The following FER1L6 variants were observed in gnomAD, a reference collection of about 807,000 sequenced individuals.
FER1L6 encodes the protein fer-1 like family member 6.
In FER1L6, 177 loss-of-function variants were observed where a neutral mutation model predicts 219.2. The ratio of observed to expected loss-of-function variants is 0.81; its 90% CI spans 0.71 to 0.91. The LOEUF (loss-of-function observed/expected upper bound fraction) is 0.91. Ranked by LOEUF, FER1L6 falls within the 40% of genes least tolerant of loss-of-function variation. FER1L6 has a pLI of 0.00. For missense variants in FER1L6, 2,153 were observed against 2,259.9 expected (o/e 0.95, Z 0.96); for synonymous variants, 768 against 824.3 (o/e 0.93, Z 1.17).
At chr8:124,070,055 A>G (rs1220222013) in intron 29 of FER1L6, among the ~76,000 whole-genome samples, 1 of 152,204 alleles carries the variant, frequency 6.6e-6, no homozygotes, top group Non-Finnish European at 1.5e-5. Context: ...TTTCATGTCT[A>G]TATGCATTAC....
chr8:124,088,490 C>G (rs1359366642), intron 33 of FER1L6, among the ~76,000 whole-genome samples: 2 of 152,022 alleles, frequency 1.3e-5, no homozygotes, highest in Non-Finnish European at 2.9e-5. Flanking sequence ...GTTCTCTACT[C>G]CACGATGGCT....
intron 13 of FER1L6, among the ~76,000 whole-genome samples, chr8:124,009,095 CTGGTACAACCACTA>C: frequency 6.6e-6 from 1 of 152,038 alleles, no homozygotes; most frequent in Non-Finnish European, 1.5e-5. Flanking sequence ...GGAATGTAAA[CTGGTACAACCACTA>C]TGGAATACAT....
intron 15 of FER1L6, among the ~76,000 whole-genome samples, chr8:124,016,403 TG>T (rs1818201436): frequency 6.6e-6 from 1 of 152,208 alleles, no homozygotes; most frequent in Non-Finnish European, 1.5e-5. Flanking sequence ...CTTTCCTTTT[TG>T]TTTCCTTTAT....
intron 37 of FER1L6, among the ~76,000 whole-genome samples, chr8:124,099,239 G>T (rs960031156): frequency 6.6e-6 from 1 of 152,186 alleles, no homozygotes; most frequent in Non-Finnish European, 1.5e-5. Context: ...GGCTTCAGTT[G>T]TCACCTTTTA....
rs565832445 is a variant in FER1L6, at chr8:123,911,073, A to G, written c.-7-44919A>G. ...GACAGTGACGATTATGATGACAGTG[A>G]TGATGATCATTGGGCAGGAGTCCAT... On this transcript the variant is annotated intron_variant, in intron 1 of 40. Coordinates refer to ENST00000522917, the MANE Select transcript of FER1L6 (RefSeq NM_001039112.2). 2.0e-5 allele frequency among the ~76,000 whole-genome samples: 3 copies of G among 152,272 alleles called. No homozygotes were observed. The South Asian group carries it at 6.2e-4, about 32-fold the overall frequency.
At chr8:123,953,684 T>C (rs1285978127) in intron 1 of FER1L6, among the ~76,000 whole-genome samples, 3 of 152,182 alleles carry the variant, frequency 2.0e-5, no homozygotes, top group Non-Finnish European at 4.4e-5. Context: ...GATACTGTCT[T>C]TTATTATTAG....
intron 7 of FER1L6, among the ~76,000 whole-genome samples, chr8:123,973,970 G>T (rs778304002): frequency 6.6e-6 from 1 of 152,146 alleles, no homozygotes; most frequent in Non-Finnish European, 1.5e-5. Flanking sequence ...TACACAAAAT[G>T]CTTAGTAAAG....
intron 11 of FER1L6, chr8:123,984,003 C>T (rs1229286336): frequency 6.6e-6 from 1 of 152,116 alleles, no homozygotes; most frequent in Non-Finnish European, 1.5e-5. Flanking sequence ...TAAACATTAC[C>T]TATCATCATT....
intron 12 of FER1L6, among the ~76,000 whole-genome samples, chr8:124,002,088 G>T (rs972344895): frequency 6.6e-6 from 1 of 152,190 alleles, no homozygotes; most frequent in Non-Finnish European, 1.5e-5. Flanking sequence ...CCACTTTGAG[G>T]CATGTGGGCT....
At chr8:123,895,788 A>T (rs1182493522) in intron 1 of FER1L6, among the ~76,000 whole-genome samples, 1 of 152,204 alleles carries the variant, frequency 6.6e-6, no homozygotes, top group African/African-American at 2.4e-5. Context: ...TAAGAAAATC[A>T]CAGGCAGCAT....
rs749346672 is a variant in FER1L6, at chr8:123,975,114, C to CTG, written c.527-33_527-32dup. 6 of 1,520,008 alleles carry CTG rather than the reference C, an allele frequency of 3.9e-6. No homozygotes were observed. The Admixed American group carries it at 5.7e-5, about 14-fold the overall frequency. 94.2% of individuals were successfully genotyped at this position (1,520,008 alleles called of 1,614,324 possible). ...AAAGGGGTGGGGCTGCTGGGCCCAT[C>CTG]TGTGAAGGATGTGAGCTGTCAGGGT... On this transcript the variant is annotated intron_variant, in intron 7 of 40. Coordinates refer to ENST00000522917, the MANE Select transcript of FER1L6 (RefSeq NM_001039112.2).
At chr8:123,914,525 AC>A (rs1813129507) in intron 1 of FER1L6, among the ~76,000 whole-genome samples, 1 of 151,944 alleles carries the variant, frequency 6.6e-6, no homozygotes, top group African/African-American at 2.4e-5. Context: ...ATTCAGCCAC[AC>A]CCCCAACCCC....
chr8:123,946,237 C>T (rs1389710779), intron 1 of FER1L6, among the ~76,000 whole-genome samples: 1 of 152,044 alleles, frequency 6.6e-6, no homozygotes, highest in Non-Finnish European at 1.5e-5. Flanking sequence ...GTTTAATGAA[C>T]AGGTTAGTTT....
intron 1 of FER1L6, among the ~76,000 whole-genome samples, chr8:123,868,473 A>G (rs1389772236): frequency 6.6e-6 from 1 of 152,178 alleles, no homozygotes; most frequent in Non-Finnish European, 1.5e-5. Flanking sequence ...TTCCCTGATC[A>G]TTTTATTTAT....
chr8:123,980,766 T>G lies in FER1L6; in HGVS notation c.1365T>G (p.Thr455=). 1.2e-6 allele frequency: 2 copies of G among 1,614,022 alleles called. No individual in the cohort carries two copies. Among genetic ancestry groups the G allele is most frequent in the Non-Finnish European group, 1.7e-6 (2 of 1,180,008 alleles). The change falls in exon 11 of 41, where the codon ACT becomes ACG. Residue 455 remains threonine, a synonymous_variant. Transcript: ENST00000522917. The part of the protein sequence containing the change: ...DGKSQQASNK[T]NSTEVEVESF... ...AATCCCAACAGGCTTCAAACAAAAC[T>G]AACTCAACCGAGGTGGAGGTGGAAT...
chr8:124,039,561 T>C (rs771297642), intron 19 of FER1L6, among the ~76,000 whole-genome samples: 5 of 152,320 alleles, frequency 3.3e-5, no homozygotes, highest in South Asian at 2.1e-4. Context: ...CTTTTGAAAG[T>C]CTTTTAACCT....
rs762261652 is a variant in FER1L6 at position 123,975,217 on chromosome 8, G to A, written c.594G>A (p.Gly198=). The part of the protein sequence containing the change: ...DPGDIRTGTK[G]YLKCDISVMG... ...GTGACATCAGGACTGGCACCAAGGGGTACCTGAAATGTGACATCAGTGTCA... is the reference window on the plus strand; with the variant it reads ...GTGACATCAGGACTGGCACCAAGGGATACCTGAAATGTGACATCAGTGTCA... Residue 198 remains glycine, a synonymous_variant, in exon 8 of 41, where the codon GGG becomes GGA. Transcript: ENST00000522917. 2 of 1,612,982 alleles carry A rather than the reference G, an allele frequency of 1.2e-6. No individual in the cohort carries two copies. The highest frequency in any genetic ancestry group is 2.2e-5 in the South Asian group (2 of 90,954).
intron 16 of FER1L6, among the ~76,000 whole-genome samples, chr8:124,019,461 G>A (rs751193424): frequency 1.3e-5 from 2 of 152,152 alleles, no homozygotes; most frequent in Non-Finnish European, 2.9e-5. Context: ...AACTGTCAAT[G>A]TCTCAGGAAA....
chr8:123,890,625 A>ATTTTTTTTTTTTTTTTT, intron 1 of FER1L6, among the ~76,000 whole-genome samples: 1 of 91,422 alleles, frequency 1.1e-5, no homozygotes, highest in Non-Finnish European at 2.0e-5. Flanking sequence ...TAAAAATTTG[A>ATTTTTTTTTTTTTTTTT]TTTTTTTTTT....
Sources: gnomAD v4.1 joint callset for allele counts (sites outside exome capture counted in the v4.1 genomes callset) on GRCh38, gnomAD v4.1.1 for gene constraint, MANE v1.5 for transcripts, NCBI Gene and HGNC (gene_info 2026-07-23, HGNC 2026-07-21) for gene names.